Variants in PSMD6 observed in about 807,000 individuals in gnomAD.
PSMD6 encodes 26S proteasome non-ATPase regulatory subunit 6.
PSMD6 carries 7 observed loss-of-function variants against 44.9 expected under a neutral mutation model. That is an observed-to-expected ratio of 0.16 (90% confidence interval 0.09 to 0.29). PSMD6 has a LOEUF of 0.29. PSMD6 is among the 10% of genes least tolerant of loss of function. The pLI, the probability that PSMD6 is intolerant of heterozygous loss-of-function variation, is 1.00. For synonymous variants in PSMD6, 184 were observed against 172.7 expected, an observed-to-expected ratio of 1.07 and a Z score of -0.51; for missense variants, 420 against 482.6, an observed-to-expected ratio of 0.87 and a Z score of 1.21.
intron 2 of PSMD6, 52 bp downstream of exon 2, chr3:64,022,266 C>T: frequency 6.3e-7 from 1 of 1,580,896 alleles, no homozygotes; most frequent in Non-Finnish European, 8.7e-7. Flanking sequence ...CTGGAATAGT[C>T]TCCAATTTTA....
rs1373558214 is a variant in PSMD6 at position 64,011,101 on chromosome 3, T to C, written c.996-146A>G. The C allele has an allele frequency of 1.2e-4, 78 of 637,142 alleles. No individual in the cohort carries two copies. In the Middle Eastern group the frequency reaches 1.3e-3, roughly 11 times the overall value. The allele number at this position is 637,142 out of a possible 1,614,324, so 39.5% of individuals were successfully genotyped here. A position where few individuals can be genotyped will look rare whatever the true frequency, so the allele number is the denominator to read the frequency against. ...ATTGCACATGCAGTAGTTGACGTTG[T>C]CCCTCCTATACTGCAGGCTTTAAGT... On this transcript the variant is annotated intron_variant, in intron 6 of 7. Transcript: ENST00000295901.
intron 2 of PSMD6, among the ~76,000 whole-genome samples, chr3:64,021,319 T>C (rs1466371452): frequency 1.3e-5 from 2 of 152,180 alleles, no homozygotes; most frequent in Non-Finnish European, 2.9e-5. Context: ...CAGATTTATG[T>C]ATGTTGGCAT....
Position 64,010,625 on chromosome 3 carries a change from A to C in PSMD6, c.*43T>G. Reference sequence around the variant, plus strand: ...TTGTGAAGTAAGCTATAAAAATTCCAAATAATTATCTCTAAAGCAAATCCT... The same window carrying C: ...TTGTGAAGTAAGCTATAAAAATTCCCAATAATTATCTCTAAAGCAAATCCT... On this transcript the variant is annotated 3_prime_UTR_variant, in exon 8 of 8. Transcript: ENST00000295901. 2 of 1,445,762 alleles carry C rather than the reference A, an allele frequency of 1.4e-6. No homozygotes were observed. The allele number at this position is 1,445,762 out of a possible 1,614,324, so 89.6% of individuals were successfully genotyped here.
At chr3:64,013,850 CTAAAGGAACT>C in intron 5 of PSMD6, 1 of 346,426 alleles carries the variant, frequency 2.9e-6, no homozygotes, top group South Asian at 1.0e-4. Context: ...AGCTCAGCTT[CTAAAGGAACT>C]TGTTCATAGA....
chr3:64,023,554 C>T, upstream of PSMD6: 1 of 1,406,142 alleles, frequency 7.1e-7, no homozygotes, highest in Non-Finnish European at 9.3e-7. Context: ...CGGCAGCGTC[C>T]TCTGCTGGAC....
At chr3:64,023,079 C>G in intron 1 of PSMD6, 196 bp downstream of exon 1, 1 of 1,428,154 alleles carries the variant, frequency 7.0e-7, no homozygotes. Flanking sequence ...GAGATGCAGA[C>G]CCCGCTGAGG....
rs149590354 is a variant in PSMD6 at position 64,019,026 on chromosome 3, T to C, written c.509A>G (p.Glu170Gly). Reference sequence around the variant, plus strand: ...GTTTCTCCTGTCCCAGTCTCCTCCTTCTTCTATTAAGCTATGAAATAAAAA... The same window carrying C: ...GTTTCTCCTGTCCCAGTCTCCTCCTCCTTCTATTAAGCTATGAAATAAAAA... ...NTEKAKSLIE[E>G]GGDWDRRNRL... is the part of the protein sequence containing the mutation. Residue 170 changes from glutamate to glycine, a missense_variant, in exon 4 of 8, where the codon GAA (glutamate) becomes GGA (glycine). Coordinates refer to ENST00000295901, the MANE Select transcript of PSMD6 (RefSeq NM_014814.3). 8.3e-5 allele frequency: 133 copies of C among 1,601,452 alleles called. No individual in the cohort carries two copies. The highest frequency in any genetic ancestry group is 2.7e-4 in the Admixed American group (16 of 60,002).
At position 64,019,566 on chromosome 3, in the gene PSMD6, C is replaced by A. The variant is rs2076098268; in HGVS notation, c.352-125G>T. The A allele has an allele frequency of 3.1e-6, 3 of 965,182 alleles. No homozygotes were observed. The African/African-American group carries it at 5.0e-5, about 16-fold the overall frequency. 59.8% of individuals were successfully genotyped at this position (965,182 alleles called of 1,614,324 possible). A position where few individuals can be genotyped will look rare whatever the true frequency, so the allele number is the denominator to read the frequency against. The stretch of plus-strand genomic sequence containing the variant: ...AGGAGTAGAAGTACAACAAGATGGC[C>A]ATTAACTGTTAATTGTTGAAGCTGG... On this transcript the variant is annotated intron_variant, in intron 2 of 7. Transcript: ENST00000295901.
At chr3:64,011,125 GTCA>G (rs2075936539) in intron 6 of PSMD6, 170 bp from the exon 7 acceptor site, 1 of 532,246 alleles carries the variant, frequency 1.9e-6, no homozygotes. Flanking sequence ...CAGGCTTTAA[GTCA>G]TCATCTACTA....
At chr3:64,023,854 A>C (rs1295754830), upstream of PSMD6, 2 of 1,463,624 alleles carry the variant, frequency 1.4e-6, no homozygotes, top group Non-Finnish European at 1.8e-6. Flanking sequence ...AATCATCTTC[A>C]TGCTGCGAGG....
At chr3:64,022,882 GA>G (rs2076155616) in intron 1 of PSMD6, 1 of 1,504,806 alleles carries the variant, frequency 6.6e-7, no homozygotes. Context: ...AGAAGGGCCA[GA>G]AAGAACCGAA....
At chr3:64,018,099 A>G (rs1452745791) in intron 5 of PSMD6, among the ~76,000 whole-genome samples, 1 of 152,252 alleles carries the variant, frequency 6.6e-6, no homozygotes, top group Non-Finnish European at 1.5e-5. Flanking sequence ...AAATCAGCAC[A>G]GAGATTTAGC....
intron 1 of PSMD6, 74 bp downstream of exon 1, chr3:64,023,201 A>C (rs889261517): frequency 1.4e-6 from 2 of 1,471,336 alleles, no homozygotes; most frequent in African/African-American, 2.9e-5. Flanking sequence ...CCATCAAAAA[A>C]AGTCCCCGCA....
In PSMD6 at chr3:64,013,555, T is replaced by C. The variant is rs765390306; in HGVS notation, c.879A>G (p.Arg293=). The C allele has an allele frequency of 3.1e-6, 5 of 1,613,110 alleles. No homozygotes were observed. Among genetic ancestry groups the C allele is most frequent in the African/African-American group, 1.3e-5 (1 of 74,886 alleles). Residue 293 remains arginine (R), a synonymous_variant, in exon 6 of 8, where the codon CGA becomes CGG. Coordinates refer to ENST00000295901, the MANE Select transcript of PSMD6 (RefSeq NM_014814.3). ...GAATTCTCATTTCTCTTACATAGTA[T>C]CGATAATGAGGGGCAAAAAGCCAGT... ...KKDWLFAPHY[R]YYVREMRIHA...
intron 4 of PSMD6, 42 bp downstream of exon 4, chr3:64,018,776 A>C: frequency 6.5e-7 from 1 of 1,533,042 alleles, no homozygotes; most frequent in South Asian, 1.2e-5. Flanking sequence ...TTAAACAAAA[A>C]AAACAAGTCT....
upstream of PSMD6, chr3:64,023,554 C>G (rs942303200): frequency 7.3e-5 from 102 of 1,406,024 alleles, no homozygotes; most frequent in Admixed American, 3.3e-5. Flanking sequence ...CGGCAGCGTC[C>G]TCTGCTGGAC....
chr3:64,016,614 A>G (rs1194643231), intron 5 of PSMD6: 2 of 152,244 alleles, frequency 1.3e-5, no homozygotes, highest in Non-Finnish European at 2.9e-5. Flanking sequence ...GTCATTAGAA[A>G]CAAATCAAAA....
Position 64,018,853 on chromosome 3 carries a change from T to C in PSMD6, c.682A>G (p.Met228Val). Residue 228 changes from methionine to valine, a missense_variant, in exon 4 of 8, where the codon ATG (methionine) becomes GTG (valine). By Grantham distance (21) the Met-to-Val change is conservative (BLOSUM62 1). This residue lies in a region of PSMD6 where 216 missense variants were observed against 227.0 expected (regional missense o/e 0.95). Transcript: ENST00000295901. ...TFVTYTVYVS[M>V]IALERPDLRE... ...AGATCTGGTCTTTCTAAGGCAATCA[T>C]ACTGACATAGACAGTATAAGTCACA... is the stretch of plus-strand genomic sequence containing the variant. The C allele has an allele frequency of 1.3e-6, 2 of 1,593,032 alleles. No homozygotes were observed. Among genetic ancestry groups the C allele is most frequent in the South Asian group, 2.2e-5 (2 of 90,574 alleles).
At chr3:64,012,643 C>T (rs984037104) in intron 6 of PSMD6, 2 of 152,242 alleles carry the variant, frequency 1.3e-5, no homozygotes, top group Admixed American at 1.3e-4. Context: ...TCCTACCACT[C>T]CAACTATGCT....
Sources: allele counts gnomAD v4.1 joint callset (sites outside exome capture counted in the v4.1 genomes callset), GRCh38; gene constraint gnomAD v4.1.1; regional missense constraint gnomAD v4.1.1; transcripts MANE v1.5; gene names NCBI Gene and HGNC (gene_info 2026-07-23, HGNC 2026-07-21).